ROR2: variants seen among roughly 807,000 people sequenced by gnomAD.
The protein encoded by ROR2 is ROR family WNT receptor 2.
A neutral mutation model predicts 74.9 loss-of-function variants in ROR2; 33 were observed. That is an observed-to-expected ratio of 0.44 (90% CI 0.33 to 0.59). The LOEUF is 0.59. Among genes scored for constraint, ROR2 ranks in the 20% least tolerant of loss-of-function variants. ROR2 has a pLI of 0.02. For synonymous variants in ROR2, 586 were observed against 558.7 expected (o/e 1.05, Z -0.69); for missense variants, 1,216 against 1,313.8 (o/e 0.93, Z 1.15).
At chr9:91,841,093 G>A (rs769045709) in intron 1 of ROR2, among the ~76,000 whole-genome samples, 31 of 152,158 alleles carry the variant, frequency 2.0e-4, no homozygotes, top group African/African-American at 5.3e-4. Flanking sequence ...CTCATTCCCC[G>A]GCCATTGGCC....
At chr9:91,944,722 A>G (rs1417829386) in intron 1 of ROR2, among the ~76,000 whole-genome samples, 1 of 152,152 alleles carries the variant, frequency 6.6e-6, no homozygotes, top group African/African-American at 2.4e-5. Flanking sequence ...AGGTCTAAAT[A>G]AATGTTAAGA....
intron 1 of ROR2, among the ~76,000 whole-genome samples, chr9:91,792,874 A>G (rs1357504105): frequency 3.3e-5 from 5 of 152,212 alleles, no homozygotes; most frequent in African/African-American, 4.8e-5. Context: ...CTATTAAGTA[A>G]AGAGGTTGAA....
intron 1 of ROR2, among the ~76,000 whole-genome samples, chr9:91,841,704 C>G (rs2119217906): frequency 6.6e-6 from 1 of 152,308 alleles, no homozygotes; most frequent in East Asian, 1.9e-4. Context: ...CATGACCTCT[C>G]CTGGGAGCAA....
At chr9:91,728,308 T>G (rs1837112064) in intron 7 of ROR2, among the ~76,000 whole-genome samples, 1 of 152,246 alleles carries the variant, frequency 6.6e-6, no homozygotes, top group Admixed American at 6.5e-5. Context: ...ATATTTTAGG[T>G]TGAACCACAT....
At position 91,722,765 on chromosome 9, in the gene ROR2, C is replaced by A. The variant is rs1836845533; in HGVS notation, c.*897G>T. 1.6e-6 allele frequency: 1 copy of A among 611,990 alleles called. No individual in the cohort carries two copies. The allele number at this position is 611,990 out of a possible 1,614,324, so 37.9% of individuals were successfully genotyped here. ...ACAGAGAGAAGCAAACCAAGACCAA[C>A]TGGATCCCAACGTGGGTAACATAAA... On this transcript the variant is annotated 3_prime_UTR_variant, in exon 9 of 9. Transcript: ENST00000375708.
intron 1 of ROR2, among the ~76,000 whole-genome samples, chr9:91,882,734 C>T (rs950782799): frequency 6.6e-6 from 1 of 152,070 alleles, no homozygotes; most frequent in Non-Finnish European, 1.5e-5. Flanking sequence ...CCCTAATCCA[C>T]GAAGACAGAT....
chr9:91,723,890 G>A lies in ROR2; in HGVS notation c.2604C>T (p.Ser868=), dbSNP rs369150056. ...KPSSHHSGSG[S]TSTGYVTTAP... Reference sequence around the variant, plus strand: ...CCGTGGTGACGTAGCCTGTGCTGGTGGAGCCACTGCCACTGTGGTGTGAGC... The same window carrying A: ...CCGTGGTGACGTAGCCTGTGCTGGTAGAGCCACTGCCACTGTGGTGTGAGC... Residue 868 remains serine (S), a synonymous_variant, in exon 9 of 9, where the codon TCC becomes TCT. Transcript: ENST00000375708. The A allele has an allele frequency of 7.1e-5, 114 of 1,613,892 alleles. No individual in the cohort carries two copies. The Middle Eastern group carries it at 2.5e-3, about 35-fold the overall frequency.
At chr9:91,834,265 C>G (rs964948103) in intron 1 of ROR2, among the ~76,000 whole-genome samples, 2 of 152,188 alleles carry the variant, frequency 1.3e-5, no homozygotes, top group Non-Finnish European at 1.5e-5. Context: ...CCCAGAGCCC[C>G]AGCTGTGTTT....
intron 1 of ROR2, among the ~76,000 whole-genome samples, chr9:91,867,670 G>GTGTA (rs1829675963): frequency 6.7e-6 from 1 of 149,894 alleles, no homozygotes. Context: ...GTGTGTGTGT[G>GTGTA]TGTGTGTGTG....
At chr9:91,929,925 A>C (rs1205215442) in intron 1 of ROR2, among the ~76,000 whole-genome samples, 1 of 152,150 alleles carries the variant, frequency 6.6e-6, no homozygotes, top group African/African-American at 2.4e-5. Flanking sequence ...AAGATGAAGG[A>C]AAGGCCAAGA....
At chr9:91,913,063 A>G (rs1831035185) in intron 1 of ROR2, among the ~76,000 whole-genome samples, 1 of 152,094 alleles carries the variant, frequency 6.6e-6, no homozygotes, top group Non-Finnish European at 1.5e-5. Flanking sequence ...CGGGAAGCAG[A>G]GGTTGCAGTG....
chr9:91,934,700 T>G (rs2117987145), intron 1 of ROR2, among the ~76,000 whole-genome samples: 1 of 152,294 alleles, frequency 6.6e-6, no homozygotes, highest in South Asian at 2.1e-4. Flanking sequence ...CTTTTAAAAT[T>G]ATTATTTTCT....
chr9:91,897,350 G>C (rs1197599022), intron 1 of ROR2, among the ~76,000 whole-genome samples: 1 of 152,246 alleles, frequency 6.6e-6, no homozygotes, highest in African/African-American at 2.4e-5. Context: ...TATCCCACTT[G>C]TACAGAGGAA....
intron 1 of ROR2, among the ~76,000 whole-genome samples, chr9:91,945,004 A>T (rs986908023): frequency 6.6e-6 from 1 of 151,694 alleles, no homozygotes; most frequent in Admixed American, 6.6e-5. Flanking sequence ...TTAGCCCAGG[A>T]GGTTAAGGCC....
chr9:91,893,995 A>G (rs1165321681), intron 1 of ROR2, among the ~76,000 whole-genome samples: 1 of 152,132 alleles, frequency 6.6e-6, no homozygotes, highest in Non-Finnish European at 1.5e-5. Context: ...TTTTTTTAGC[A>G]TAAAACTAAG....
At chr9:91,847,885 G>A (rs369169937) in intron 1 of ROR2, among the ~76,000 whole-genome samples, 3 of 152,254 alleles carry the variant, frequency 2.0e-5, no homozygotes, top group East Asian at 1.9e-4. Flanking sequence ...TCTCCAGGAC[G>A]GGAAGGATGC....
intron 1 of ROR2, among the ~76,000 whole-genome samples, chr9:91,929,085 T>G (rs777679716): frequency 4.0e-4 from 61 of 152,238 alleles, no homozygotes; most frequent in Non-Finnish European, 1.0e-4. Flanking sequence ...GAACACGATT[T>G]GACTTTTTGT....
intron 1 of ROR2, among the ~76,000 whole-genome samples, chr9:91,916,420 C>T (rs933119718): frequency 1.3e-5 from 2 of 152,214 alleles, no homozygotes; most frequent in Non-Finnish European, 2.9e-5. Flanking sequence ...GCCAGGCCAG[C>T]CCTGATGCAC....
At chr9:91,939,636 C>T (rs1449653885) in intron 1 of ROR2, among the ~76,000 whole-genome samples, 1 of 152,020 alleles carries the variant, frequency 6.6e-6, no homozygotes, top group Non-Finnish European at 1.5e-5. Flanking sequence ...TCTCTCCATC[C>T]CACAGTGGGA....
Sources: gnomAD v4.1 joint callset for allele counts (sites outside exome capture counted in the v4.1 genomes callset) on GRCh38, gnomAD v4.1.1 for gene constraint, MANE v1.5 for transcripts, NCBI Gene and HGNC (gene_info 2026-07-23, HGNC 2026-07-21) for gene names.